Variants in WIPF1 observed in about 807,000 individuals in gnomAD.
WIPF1 encodes the protein WAS/WASL-interacting protein family member 1.
WIPF1 carries 13 observed loss-of-function variants against 35.4 expected under a neutral mutation model. That is an observed-to-expected ratio of 0.37 (90% CI 0.24 to 0.58). The LOEUF (loss-of-function observed/expected upper bound fraction) is 0.58, where lower values mean the gene tolerates loss of function less well. Among genes scored for constraint, WIPF1 ranks in the 20% least tolerant of loss-of-function variants. WIPF1 has a pLI of 0.74. For missense variants in WIPF1, 591 were observed against 667.0 expected (o/e 0.89, Z 1.25); for synonymous variants, 267 against 266.3 (o/e 1.00, Z -0.02).
intron 1 of WIPF1, among the ~76,000 whole-genome samples, chr2:174,632,701 C>T (rs1484744910): frequency 2.5e-5 from 2 of 79,674 alleles, no homozygotes; most frequent in African/African-American, 1.2e-4. Context: ...AAGAGCAAAA[C>T]TCCATCTCAA....
chr2:174,571,346 C>T lies in WIPF1; in HGVS notation c.1129+330G>A. ...TCCCAATTAAGACCGCCGAAATTCTCTCTAGGGAGGCAGGGTAGTGGACTG... is the reference window on the plus strand; with the variant it reads ...TCCCAATTAAGACCGCCGAAATTCTTTCTAGGGAGGCAGGGTAGTGGACTG... On this transcript the variant is annotated intron_variant, in intron 5 of 7. Coordinates refer to ENST00000679041, the MANE Select transcript of WIPF1 (RefSeq NM_001375834.1). The surrounding 1 kb of genome is among the most constrained non-coding windows in gnomAD (Gnocchi z 4.6). 1.8e-6 allele frequency: 1 copy of T among 547,232 alleles called. No individual in the cohort carries two copies. The highest frequency in any genetic ancestry group is 3.2e-6 in the Non-Finnish European group (1 of 310,966). The allele number at this position is 547,232 out of a possible 1,614,324, so 33.9% of individuals were successfully genotyped here. A position where few individuals can be genotyped will look rare whatever the true frequency, so the allele number is the denominator to read the frequency against.
At chr2:174,580,246 C>T (rs1475797891) in intron 3 of WIPF1, among the ~76,000 whole-genome samples, 4 of 152,144 alleles carry the variant, frequency 2.6e-5, no homozygotes, top group African/African-American at 9.7e-5. Context: ...CCACTGCGCC[C>T]GGCCATAGTT....
At chr2:174,594,707 T>TCA (rs1685738661) in intron 1 of WIPF1, among the ~76,000 whole-genome samples, 1 of 128,038 alleles carries the variant, frequency 7.8e-6, no homozygotes, top group African/African-American at 2.8e-5. Flanking sequence ...TCTCTCTCTC[T>TCA]CACACACACA....
At chr2:174,602,320 G>A (rs1686034992), upstream of WIPF1, among the ~76,000 whole-genome samples, 9 of 152,234 alleles carry the variant, frequency 5.9e-5, no homozygotes, top group South Asian at 1.9e-3. Flanking sequence ...GTGGCCCCCA[G>A]TCAACATGGA....
chr2:174,591,961 T>C (rs1304466767), intron 1 of WIPF1, among the ~76,000 whole-genome samples: 1 of 152,184 alleles, frequency 6.6e-6, no homozygotes, highest in African/African-American at 2.4e-5. Flanking sequence ...AGGGGACACA[T>C]TCTCCTCAAT....
In WIPF1 at chr2:174,638,730, T is replaced by C. The variant is rs532368152; in HGVS notation, c.-39+44044A>G. 2.6e-5 allele frequency among the ~76,000 whole-genome samples: 4 copies of C among 152,370 alleles called. 1 individual carries two copies. The East Asian group carries it at 7.7e-4, about 29-fold the overall frequency. Reference sequence around the variant, plus strand: ...CATGTTGTCACAAATGACAGGAGTTTATTCATTTTTATGCCTGCATAGTAT... The same window carrying C: ...CATGTTGTCACAAATGACAGGAGTTCATTCATTTTTATGCCTGCATAGTAT... On this transcript the variant is annotated intron_variant, in intron 1 of 8. Coordinates refer to the WIPF1 transcript ENST00000272746.
rs1264636905 is a variant in WIPF1 at position 174,562,480 on chromosome 2, G to A, written c.*67C>T. ...GGCACAAGGGAAGAAGCAGGGAGGA[G>A]GGTATGCAGTTCTTAGATAGCAACA... is the stretch of plus-strand genomic sequence containing the variant. On this transcript the variant is annotated 3_prime_UTR_variant, in exon 8 of 8. Transcript: ENST00000679041. 9 of 1,611,246 alleles carry A rather than the reference G, an allele frequency of 5.6e-6. No homozygotes were observed. The highest frequency in any genetic ancestry group is 2.2e-5 in the East Asian group (1 of 44,836).
chr2:174,629,815 C>T (rs192867289), intron 1 of WIPF1: 1 of 152,322 alleles, frequency 6.6e-6, no homozygotes, highest in Admixed American at 6.5e-5. Context: ...AAGTTAAGTT[C>T]ATTCTACAGG....
chr2:174,613,925 G>A (rs1686429502), intron 1 of WIPF1, among the ~76,000 whole-genome samples: 1 of 152,086 alleles, frequency 6.6e-6, no homozygotes, highest in Non-Finnish European at 1.5e-5. Flanking sequence ...CTAATCATTT[G>A]AGTCTCCATT....
chr2:174,668,311 T>C (rs1458825616), intron 1 of WIPF1, among the ~76,000 whole-genome samples: 1 of 152,250 alleles, frequency 6.6e-6, no homozygotes, highest in Non-Finnish European at 1.5e-5. Context: ...TCCGGGGCTC[T>C]GTCTCTTTAC....
At chr2:174,580,476 T>TCAACAAAG (rs1484791410) in intron 3 of WIPF1, among the ~76,000 whole-genome samples, 4 of 152,224 alleles carry the variant, frequency 2.6e-5, no homozygotes, top group Non-Finnish European at 5.9e-5. Context: ...TCTGCCTCAT[T>TCAACAAAG]ATTCACTTGT....
At chr2:174,579,236 C>A (rs765933596) in intron 3 of WIPF1, among the ~76,000 whole-genome samples, 2 of 152,128 alleles carry the variant, frequency 1.3e-5, no homozygotes, top group Non-Finnish European at 2.9e-5. Flanking sequence ...GTGATCCCAG[C>A]CTCAGGTGAT....
chr2:174,564,372 T>G (rs1461529046), intron 7 of WIPF1, among the ~76,000 whole-genome samples: 1 of 152,124 alleles, frequency 6.6e-6, no homozygotes, highest in African/African-American at 2.4e-5. Context: ...TATAATCCAG[T>G]GCTTTGGGAG....
At chr2:174,606,614 GA>G (rs1384020586) in intron 1 of WIPF1, among the ~76,000 whole-genome samples, 3 of 152,160 alleles carry the variant, frequency 2.0e-5, no homozygotes, top group African/African-American at 7.2e-5. Context: ...GGTCCACCTA[GA>G]GCCAACTCTG....
chr2:174,614,197 C>T (rs1259314063), intron 1 of WIPF1, among the ~76,000 whole-genome samples: 1 of 152,206 alleles, frequency 6.6e-6, no homozygotes, highest in Non-Finnish European at 1.5e-5. Context: ...TTTCATTTCA[C>T]CTGGAGAGAG....
intron 1 of WIPF1, among the ~76,000 whole-genome samples, chr2:174,593,608 T>C (rs1457232561): frequency 1.3e-5 from 2 of 152,240 alleles, no homozygotes; most frequent in Non-Finnish European, 2.9e-5. Context: ...TAGAACTAAT[T>C]AAGATGAATT....
At chr2:174,651,713 C>CA (rs773284866) in intron 1 of WIPF1, among the ~76,000 whole-genome samples, 59 of 152,206 alleles carry the variant, frequency 3.9e-4, no homozygotes, top group Non-Finnish European at 7.8e-4. Flanking sequence ...TGGATGAGTG[C>CA]TCCAGTTATC....
At chr2:174,637,502 A>C in intron 1 of WIPF1, among the ~76,000 whole-genome samples, 1 of 152,182 alleles carries the variant, frequency 6.6e-6, no homozygotes, top group African/African-American at 2.4e-5. Context: ...CCAGCTGCAA[A>C]ACACCATAAT....
At chr2:174,627,751 G>A (rs1046569566) in intron 1 of WIPF1, among the ~76,000 whole-genome samples, 31 of 151,980 alleles carry the variant, frequency 2.0e-4, no homozygotes, top group African/African-American at 7.0e-4. Flanking sequence ...TTCCTACGTT[G>A]CCCAGGCTGG....
Sources: allele counts gnomAD v4.1 joint callset (sites outside exome capture counted in the v4.1 genomes callset), GRCh38; gene constraint gnomAD v4.1.1; non-coding constraint Gnocchi (gnomAD v3.1); transcripts MANE v1.5; gene names NCBI Gene and HGNC (gene_info 2026-07-23, HGNC 2026-07-21).